Variants in ARHGAP6 observed in about 807,000 individuals in gnomAD.
The protein encoded by ARHGAP6 is Rho GTPase activating protein 6, also known as rho GTPase-activating protein 6.
ARHGAP6 carries 16 observed loss-of-function variants against 55.7 expected under a neutral mutation model. The ratio of observed to expected loss-of-function variants is 0.29; its 90% CI spans 0.19 to 0.44. The LOEUF (loss-of-function observed/expected upper bound fraction) is 0.44, where lower values mean the gene tolerates loss of function less well. ARHGAP6 is among the 20% of genes least tolerant of loss of function. The pLI is 1.00. For synonymous variants in ARHGAP6, 382 were observed against 360.9 expected (o/e 1.06, Z -0.66); for missense variants, 698 against 808.9 (o/e 0.86, Z 1.66).
chrX:11,623,776 ATAAT>A (rs58679616), intron 1 of ARHGAP6, among the ~76,000 whole-genome samples: 9,860 of 110,535 alleles, frequency 0.089, 478 homozygotes, highest in East Asian at 0.2. Flanking sequence ...ATAAATTGCA[ATAAT>A]TAATATTGTA....
chrX:11,619,568 T>A (rs2052204273), intron 1 of ARHGAP6, among the ~76,000 whole-genome samples: 3 of 112,398 alleles, frequency 2.7e-5, no homozygotes, highest in African/African-American at 9.7e-5. Context: ...AGGTATTTGA[T>A]TTCTTCACTT....
At chrX:11,477,072 T>G (rs1195783148) in intron 1 of ARHGAP6, among the ~76,000 whole-genome samples, 1 of 109,447 alleles carries the variant, frequency 9.1e-6, no homozygotes, top group African/African-American at 3.3e-5. Context: ...AATACTTATA[T>G]CAGACAAGTG....
chrX:11,606,442 T>C (rs1247205734), intron 1 of ARHGAP6, among the ~76,000 whole-genome samples: 2 of 111,935 alleles, frequency 1.8e-5, no homozygotes, highest in African/African-American at 3.3e-5. Flanking sequence ...AGTGTGTACA[T>C]GCTTCATGAT....
intron 1 of ARHGAP6, among the ~76,000 whole-genome samples, chrX:11,444,682 C>T (rs1015560661): frequency 4.5e-5 from 5 of 112,196 alleles, no homozygotes; most frequent in Non-Finnish European, 9.4e-5. Flanking sequence ...ACTAGCCAAA[C>T]ATCTTGTCTT....
intron 2 of ARHGAP6, among the ~76,000 whole-genome samples, chrX:11,247,335 A>C (rs780697456): frequency 1.7e-4 from 19 of 112,748 alleles, no homozygotes; most frequent in Non-Finnish European, 3.4e-4. Flanking sequence ...ACAAATATGC[A>C]TTTCTGTCTT....
chrX:11,449,046 G>A (rs2050119846), intron 1 of ARHGAP6, among the ~76,000 whole-genome samples: 1 of 111,172 alleles, frequency 9.0e-6, no homozygotes, highest in Non-Finnish European at 1.9e-5. Context: ...GGGCAGCTGG[G>A]AACAAGATGT....
chrX:11,567,566 A>AAAAAAAAAATATATATATATAT (rs1440758737), intron 1 of ARHGAP6, among the ~76,000 whole-genome samples: 29 of 84,389 alleles, frequency 3.4e-4, no homozygotes, highest in African/African-American at 1.2e-3. Flanking sequence ...AAAAAAAAAA[A>AAAAAAAAAATATATATATATAT]ATATATATAT....
intron 1 of ARHGAP6, among the ~76,000 whole-genome samples, chrX:11,349,272 T>C (rs2048827301): frequency 9.0e-6 from 1 of 111,723 alleles, no homozygotes; most frequent in Admixed American, 9.5e-5. Flanking sequence ...TCAGTTATTT[T>C]TGAGTAAGTC....
chrX:11,573,483 A>T (rs1220877476), intron 1 of ARHGAP6, among the ~76,000 whole-genome samples: 2 of 109,689 alleles, frequency 1.8e-5, no homozygotes, highest in African/African-American at 6.7e-5. Context: ...TTTGTCAAAG[A>T]TCAGATAGTT....
At chrX:11,552,427 C>G (rs1177410852) in intron 1 of ARHGAP6, among the ~76,000 whole-genome samples, 2 of 103,719 alleles carry the variant, frequency 1.9e-5, no homozygotes, top group Non-Finnish European at 3.9e-5. Context: ...GAGTATATAT[C>G]CAAAGGAAAT....
At chrX:11,370,552 G>T (rs1242945860) in intron 1 of ARHGAP6, among the ~76,000 whole-genome samples, 1 of 111,401 alleles carries the variant, frequency 9.0e-6, no homozygotes, top group African/African-American at 3.3e-5. Flanking sequence ...TCAGAAACTT[G>T]GATAATTTTC....
At chrX:11,148,752 C>T (rs1261715583) in intron 10 of ARHGAP6, 1 of 364,815 alleles carries the variant, frequency 2.7e-6, no homozygotes, top group Non-Finnish European at 5.3e-6. Flanking sequence ...GGTTCAATCA[C>T]CGGATGGGGC....
rs139276559 is a variant in ARHGAP6, at chrX:11,379,123, A to G, written c.589-124416T>C. Among the ~76,000 whole-genome samples the G allele has an allele frequency of 7.7e-4, 86 of 112,226 alleles. 3 individuals carry two copies. In the East Asian group the frequency reaches 0.015, roughly 19 times the overall value. ...TGGAGTTGCTTAGCTATGCAGCTCT[A>G]CGCCACATGTCTCTCATTCCTCTCC... On this transcript the variant is annotated intron_variant, in intron 1 of 12. Transcript: ENST00000337414.
chrX:11,545,126 A>G (rs5935102), intron 1 of ARHGAP6, among the ~76,000 whole-genome samples: 43,165 of 110,433 alleles, frequency 0.39, 6,356 homozygotes, highest in African/African-American at 0.51. Context: ...TACAATGATG[A>G]GGGGCAGGGA....
Position 11,468,627 on chromosome X carries a change from T to A in ARHGAP6, c.588+195614A>T, listed in dbSNP as rs751437606. 2.4e-3 allele frequency among the ~76,000 whole-genome samples: 273 copies of A among 112,808 alleles called. 2 individuals carry two copies. The highest frequency in any genetic ancestry group is 4.3e-3 in the Non-Finnish European group (230 of 53,366). ...AAAAATATTAATCAAGTGGTATCTG[T>A]TTAGTAGCAGAAGTACTTAAAATAT... On this transcript the variant is annotated intron_variant, in intron 1 of 12. Transcript: ENST00000337414.
At position 11,138,911 on chromosome X, in the gene ARHGAP6, C is replaced by G; in HGVS notation, c.2877G>C (p.Glu959Asp). Reference sequence around the variant, plus strand: ...CATCGGGGTTGTCGGTCGACAGGAGCTCCCAGATCTGCCAGCGCTCTCTCT... The same window carrying G: ...CATCGGGGTTGTCGGTCGACAGGAGGTCCCAGATCTGCCAGCGCTCTCTCT... ...DWQRERWQIWELLSTDNPDAL... is the reference protein window; with the variant it reads ...DWQRERWQIWDLLSTDNPDAL... The change falls in exon 13 of 13, where the codon GAG becomes GAC. Residue 959 changes from glutamate to aspartate, a missense_variant. Glu to Asp is a conservative substitution (Grantham distance 45, BLOSUM62 2). This residue lies in a region of ARHGAP6 where 212 missense variants were observed against 208.7 expected (regional missense o/e 1.02). Transcript: ENST00000337414. 1 of 1,188,385 alleles carries G rather than the reference C, an allele frequency of 8.4e-7. No individual in the cohort carries two copies. Among genetic ancestry groups the G allele is most frequent in the Non-Finnish European group, 1.1e-6 (1 of 888,476 alleles).
rs2048793445 is a variant in ARHGAP6 at position 11,346,763 on chromosome X, G to A, written c.589-92056C>T. Among the ~76,000 whole-genome samples, 3 of 108,478 alleles carry A rather than the reference G, an allele frequency of 2.8e-5. No individual in the cohort carries two copies. The Admixed American group carries it at 2.9e-4, about 11-fold the overall frequency. The allele number at this position is 108,478 out of a possible 115,157, so 94.2% of individuals were successfully genotyped here. ...AGAAAGAAAGAAAGAAAGAGAGAAA[G>A]AAAAGAAAAGAAAGATTTAATAACA... On this transcript the variant is annotated intron_variant, in intron 1 of 12. Coordinates refer to ENST00000337414, the MANE Select transcript of ARHGAP6 (RefSeq NM_013427.3).
At chrX:11,449,819 G>C (rs184529446) in intron 1 of ARHGAP6, among the ~76,000 whole-genome samples, 97 of 111,996 alleles carry the variant, frequency 8.7e-4, no homozygotes, top group African/African-American at 3.0e-3. Context: ...AGTGATCATA[G>C]GCGCCTTAGG....
At chrX:11,460,905 G>C (rs1263442539) in intron 1 of ARHGAP6, among the ~76,000 whole-genome samples, 1 of 111,975 alleles carries the variant, frequency 8.9e-6, no homozygotes, top group African/African-American at 3.3e-5. Context: ...AGTCAGGTAA[G>C]GTTATGCTGG....
Sources: allele counts gnomAD v4.1 joint callset (sites outside exome capture counted in the v4.1 genomes callset), GRCh38; gene constraint gnomAD v4.1.1; regional missense constraint gnomAD v4.1.1; transcripts MANE v1.5; gene names NCBI Gene and HGNC (gene_info 2026-07-23, HGNC 2026-07-21).